FILIP1: variants seen among roughly 807,000 people sequenced by gnomAD.
The protein encoded by FILIP1 is filamin A interacting protein 1, also known as filamin-A-interacting protein 1.
In FILIP1, 61 loss-of-function variants were observed where a neutral mutation model predicts 102.1. That is an observed-to-expected ratio of 0.60 (90% CI 0.49 to 0.74). The LOEUF (loss-of-function observed/expected upper bound fraction) is 0.74, where lower values mean the gene tolerates loss of function less well. Ranked by LOEUF, FILIP1 falls within the 30% of genes least tolerant of loss-of-function variation. FILIP1 has a pLI of 0.00. For missense variants in FILIP1, 1,314 were observed against 1,441.2 expected, an observed-to-expected ratio of 0.91 and a Z score of 1.43; for synonymous variants, 491 against 526.9, an observed-to-expected ratio of 0.93 and a Z score of 0.93.
intron 2 of FILIP1, among the ~76,000 whole-genome samples, chr6:75,390,909 G>T (rs528547322): frequency 1.3e-3 from 190 of 151,984 alleles, no homozygotes; most frequent in African/African-American, 4.4e-3. Flanking sequence ...TGATATTTCT[G>T]ATGTTCTGAC....
intron 2 of FILIP1, among the ~76,000 whole-genome samples, chr6:75,381,900 A>G (rs1178054722): frequency 6.6e-6 from 1 of 152,270 alleles, no homozygotes; most frequent in Non-Finnish European, 1.5e-5. Flanking sequence ...AGATCCCATC[A>G]TTAGTAAAAC....
At chr6:75,416,292 C>A (rs537140669) in intron 1 of FILIP1, among the ~76,000 whole-genome samples, 2 of 152,164 alleles carry the variant, frequency 1.3e-5, no homozygotes, top group East Asian at 3.9e-4. Flanking sequence ...TACATTAATG[C>A]TGTTTTTTTA....
intron 1 of FILIP1, among the ~76,000 whole-genome samples, chr6:75,477,891 A>G (rs1779531038): frequency 6.6e-6 from 1 of 152,244 alleles, no homozygotes; most frequent in African/African-American, 2.4e-5. Flanking sequence ...CTACAAATGG[A>G]CAATGGGAAG....
At chr6:75,473,525 A>G (rs1307176017) in intron 1 of FILIP1, among the ~76,000 whole-genome samples, 1 of 149,130 alleles carries the variant, frequency 6.7e-6, no homozygotes, top group Non-Finnish European at 1.5e-5. Flanking sequence ...GTGTTTCAAG[A>G]AAAAAAAAAG....
chr6:75,437,568 T>C (rs1778066837), intron 1 of FILIP1, among the ~76,000 whole-genome samples: 1 of 152,196 alleles, frequency 6.6e-6, no homozygotes, highest in Admixed American at 6.5e-5. Flanking sequence ...AATCTCTCCT[T>C]GCTCACTATG....
chr6:75,423,052 G>A lies in FILIP1; in HGVS notation c.-6-8074C>T, dbSNP rs572238094. ...GTGGTAGTTCAATAAGTTTTGCAAA[G>A]GAGATAAGAGCCTTGAAGAAAAGGA... On this transcript the variant is annotated intron_variant, in intron 1 of 5. Transcript: ENST00000237172. Among the ~76,000 whole-genome samples the A allele has an allele frequency of 1.2e-4, 18 of 152,256 alleles. 1 individual carries two copies. In the South Asian group the frequency reaches 1.2e-3, roughly 11 times the overall value.
At chr6:75,416,255 C>T (rs995995869) in intron 1 of FILIP1, among the ~76,000 whole-genome samples, 1 of 152,044 alleles carries the variant, frequency 6.6e-6, no homozygotes, top group Non-Finnish European at 1.5e-5. Flanking sequence ...TAGTGAATAT[C>T]CAATTCTTCC....
intron 6 of FILIP1, among the ~76,000 whole-genome samples, chr6:75,302,853 TATG>T (rs899082666): frequency 3.3e-5 from 5 of 151,404 alleles, no homozygotes; most frequent in African/African-American, 9.7e-5. Flanking sequence ...TATGATATGA[TATG>T]ATATGATGTA....
intron 3 of FILIP1, among the ~76,000 whole-genome samples, chr6:75,359,502 G>T (rs1562498868): frequency 6.6e-6 from 1 of 152,260 alleles, no homozygotes; most frequent in East Asian, 1.9e-4. Context: ...TAAGATTTAG[G>T]TTTAACAAAG....
intron 4 of FILIP1, among the ~76,000 whole-genome samples, chr6:75,345,753 G>C (rs777864192): frequency 2.6e-5 from 4 of 152,116 alleles, no homozygotes; most frequent in African/African-American, 7.2e-5. Flanking sequence ...CAAAGAGAGA[G>C]ACAGCTGCTC....
At chr6:75,334,660 T>C (rs1774181819) in intron 4 of FILIP1, 1 of 152,160 alleles carries the variant, frequency 6.6e-6, no homozygotes, top group South Asian at 2.1e-4. Context: ...CTAGGAAGCA[T>C]AGTAGCTTTG....
chr6:75,491,406 T>C (rs868411511), intron 1 of FILIP1, among the ~76,000 whole-genome samples: 1 of 152,096 alleles, frequency 6.6e-6, no homozygotes, highest in African/African-American at 2.4e-5. Flanking sequence ...AGCCTAGGTG[T>C]TTGGCAGCAA....
In FILIP1 at chr6:75,472,504, T is replaced by G. The variant is rs150470084; in HGVS notation, c.-7+20910A>C. ...CCACATTGCATGTTTTGTGATAAGA[T>G]GTTAAAGGACTAATTGAATTTGGCT... On this transcript the variant is annotated intron_variant, in intron 1 of 5. Transcript: ENST00000237172. Among the ~76,000 whole-genome samples, 255 of 152,238 alleles carry G rather than the reference T, an allele frequency of 1.7e-3. 2 individuals are homozygous for G. Among genetic ancestry groups the G allele is most frequent in the African/African-American group, 5.8e-3 (242 of 41,564 alleles).
At chr6:75,406,661 C>CTT (rs33981073) in intron 2 of FILIP1, among the ~76,000 whole-genome samples, 7,305 of 132,928 alleles carry the variant, frequency 0.055, 325 homozygotes, top group Middle Eastern at 0.079. Context: ...AGCAATGTTT[C>CTT]TTTTTTTTTT....
chr6:75,347,372 T>G (rs1774626069), intron 4 of FILIP1, among the ~76,000 whole-genome samples: 1 of 152,244 alleles, frequency 6.6e-6, no homozygotes, highest in Admixed American at 6.5e-5. Context: ...AACTTTGCTT[T>G]TGAACAGCTT....
At chr6:75,444,469 T>G (rs1035797579) in intron 1 of FILIP1, among the ~76,000 whole-genome samples, 1 of 151,276 alleles carries the variant, frequency 6.6e-6, no homozygotes, top group Non-Finnish European at 1.5e-5. Flanking sequence ...TGTTATAAAT[T>G]TTTTTTTCTA....
intron 4 of FILIP1, among the ~76,000 whole-genome samples, chr6:75,344,114 T>C (rs1273418401): frequency 8.5e-5 from 13 of 152,186 alleles, no homozygotes; most frequent in Non-Finnish European, 4.4e-5. Context: ...AGCTATGATG[T>C]GGTTTTCTTT....
chr6:75,308,555 G>C lies in FILIP1; in HGVS notation c.*136C>G. On this transcript the variant is annotated 3_prime_UTR_variant, in exon 6 of 6. Coordinates refer to ENST00000237172, the MANE Select transcript of FILIP1 (RefSeq NM_015687.5). ...ATGCACAAAATGGGAAAGACAAATG[G>C]TTATTAGTTGGTTATTTTATAAACA... 12 of 1,487,794 alleles carry C rather than the reference G, an allele frequency of 8.1e-6. No individual in the cohort carries two copies. The highest frequency in any genetic ancestry group is 1.4e-5 in the South Asian group (1 of 72,218). The allele number at this position is 1,487,794 out of a possible 1,614,324, so 92.2% of individuals were successfully genotyped here.
chr6:75,358,233 T>G (rs928353662), intron 3 of FILIP1: 2 of 152,204 alleles, frequency 1.3e-5, no homozygotes, highest in African/African-American at 4.8e-5. Context: ...TGCAAAGGGC[T>G]AACTGGAGAA....
Sources: allele counts gnomAD v4.1 joint callset (sites outside exome capture counted in the v4.1 genomes callset), GRCh38; gene constraint gnomAD v4.1.1; transcripts MANE v1.5; gene names NCBI Gene and HGNC (gene_info 2026-07-23, HGNC 2026-07-21).